The following DUOXA1 variants were observed in gnomAD, a reference collection of about 807,000 sequenced individuals.
DUOXA1 encodes the protein dual oxidase activator 1.
A neutral mutation model predicts 26.6 loss-of-function variants in DUOXA1; 19 were observed. The ratio of observed to expected loss-of-function variants is 0.71; its 90% CI spans 0.50 to 1.05. The LOEUF (loss-of-function observed/expected upper bound fraction) is 1.05, where lower values mean the gene tolerates loss of function less well. Ranked by LOEUF, DUOXA1 falls within the 50% of genes least tolerant of loss-of-function variation. The probability of loss-of-function intolerance (pLI) is 0.00; values close to 1 mark genes in which losing one functional copy is unlikely to be tolerated. For synonymous variants in DUOXA1, 166 were observed against 177.0 expected, an observed-to-expected ratio of 0.94 and a Z score of 0.49; for missense variants, 403 against 427.5, an observed-to-expected ratio of 0.94 and a Z score of 0.51.
rs770239459 is a variant in DUOXA1, at chr15:45,120,241, C to T, written c.634G>A (p.Ala212Thr). 6.8e-6 allele frequency: 11 copies of T among 1,613,960 alleles called. No individual in the cohort carries two copies. Among genetic ancestry groups the T allele is most frequent in the Admixed American group, 1.7e-5 (1 of 59,988 alleles). The stretch of plus-strand genomic sequence containing the variant: ...GCCAACAGCTGGAAGATGCCCGTGG[C>T]CAATAGCATGTAGCCACCATATACC... ...VLVYGGYMLL[A>T]TGIFQLLALL... Residue 212 changes from alanine (A) to threonine (T), a missense_variant, in exon 8 of 9, where the codon GCC (alanine) becomes ACC (threonine). Transcript: ENST00000560572.
Position 45,118,896 on chromosome 15 carries a change from A to G in DUOXA1, c.*210T>C. The G allele has an allele frequency of 7.9e-7, 1 of 1,273,712 alleles. No individual in the cohort carries two copies. The allele number at this position is 1,273,712 out of a possible 1,614,324, so 78.9% of individuals were successfully genotyped here. ...TATCATGGCAACAGGCTTTATGGAC[A>G]GGCCCAGCATCTCTTCAGTCCCTTA... On this transcript the variant is annotated 3_prime_UTR_variant, in exon 9 of 9. Transcript: ENST00000560572.
chr15:45,123,702 G>A (rs764366217), intron 3 of DUOXA1, among the ~76,000 whole-genome samples: 11 of 152,214 alleles, frequency 7.2e-5, no homozygotes, highest in Non-Finnish European at 1.6e-4. Context: ...CCCTCTATCA[G>A]GCAGTGCTGG....
intron 6 of DUOXA1, 87 bp downstream of exon 6, chr15:45,121,000 C>A: frequency 1.3e-6 from 2 of 1,581,382 alleles, no homozygotes; most frequent in Non-Finnish European, 1.7e-6. Context: ...CTGTGCCAGG[C>A]ATCCTATAGC....
intron 8 of DUOXA1, among the ~76,000 whole-genome samples, 198 bp downstream of exon 8, chr15:45,119,905 C>T (rs1895000557): frequency 6.7e-6 from 1 of 149,854 alleles, no homozygotes; most frequent in African/African-American, 2.5e-5. Flanking sequence ...AGGGAGTGGG[C>T]ATCTCTGAGG....
At chr15:45,124,045 A>T (rs1427568949) in intron 3 of DUOXA1, among the ~76,000 whole-genome samples, 1 of 94,332 alleles carries the variant, frequency 1.1e-5, no homozygotes, top group Non-Finnish European at 1.8e-5. Flanking sequence ...CAGAATGTGA[A>T]AAAAAAAAAA....
In DUOXA1 at chr15:45,120,586, C is replaced by A. The variant is rs1895091889; in HGVS notation, c.554+6G>T. ...GGCCTCCACCCCGTCTCCTTCCCATCCTCACCATAGCATGGCTGAGGTGTA... is the reference window on the plus strand; with the variant it reads ...GGCCTCCACCCCGTCTCCTTCCCATACTCACCATAGCATGGCTGAGGTGTA... On this transcript the variant is annotated splice_donor_region_variant and intron_variant, in intron 7 of 8. Transcript: ENST00000560572. 1 of 1,613,932 alleles carries A rather than the reference C, an allele frequency of 6.2e-7. No homozygotes were observed. Among genetic ancestry groups the A allele is most frequent in the Non-Finnish European group, 8.5e-7 (1 of 1,179,938 alleles).
At position 45,119,331 on chromosome 15, in the gene DUOXA1, C is replaced by A. The variant is rs750581745; in HGVS notation, c.807G>T (p.Ala269=). The A allele has an allele frequency of 8.7e-6, 14 of 1,613,448 alleles. No homozygotes were observed. Among genetic ancestry groups the A allele is most frequent in the Non-Finnish European group, 1.0e-5 (12 of 1,179,712 alleles). Residue 269 remains alanine, a synonymous_variant, in exon 9 of 9, where the codon GCG becomes GCT. Coordinates refer to ENST00000560572, the MANE Select transcript of DUOXA1 (RefSeq NM_001276266.2). Reference sequence around the variant, plus strand: ...TGTGAGGCTGCATCCTGTGGGCCACCGCCATAGCCAGGCCCAGCAGCACAC... The same window carrying A: ...TGTGAGGCTGCATCCTGTGGGCCACAGCCATAGCCAGGCCCAGCAGCACAC... ...LLCVLLGLAM[A]VAHRMQPHRL... is the part of the protein sequence containing the mutation.
chr15:45,124,187 G>A (rs568520983), intron 3 of DUOXA1, among the ~76,000 whole-genome samples: 1 of 152,232 alleles, frequency 6.6e-6, no homozygotes, highest in Admixed American at 6.5e-5. Flanking sequence ...TATAATGAAA[G>A]AATAAGCTTG....
Position 45,120,082 on chromosome 15 carries a change from G to A in DUOXA1, c.772+21C>T, listed in dbSNP as rs369510098. The A allele has an allele frequency of 2.5e-5, 40 of 1,613,216 alleles. No homozygotes were observed. In the African/African-American group the frequency reaches 4.9e-4, roughly 20 times the overall value. On this transcript the variant is annotated intron_variant, in intron 8 of 8. Transcript: ENST00000560572. ...CCTGGCCTTGAGACTTCTAGTGCTTGTCTTTAGGGCTGGGTCTTACCTGTG... is the reference window on the plus strand; with the variant it reads ...CCTGGCCTTGAGACTTCTAGTGCTTATCTTTAGGGCTGGGTCTTACCTGTG...
chr15:45,122,371 T>C, intron 4 of DUOXA1, 129 bp from the exon 5 acceptor site: 1 of 863,296 alleles, frequency 1.2e-6, no homozygotes, highest in Non-Finnish European at 1.9e-6. Context: ...AATCAGAGTG[T>C]CTGGCACATA....
At chr15:45,125,235 T>C (rs539608155) in intron 3 of DUOXA1, among the ~76,000 whole-genome samples, 1 of 152,318 alleles carries the variant, frequency 6.6e-6, no homozygotes, top group African/African-American at 2.4e-5. Context: ...TCTCTCCTAT[T>C]CTGCGAATCC....
At position 45,117,681 on chromosome 15, in the gene DUOXA1, C is replaced by T. The variant is rs1566984281; in HGVS notation, c.*1425G>A. On this transcript the variant is annotated 3_prime_UTR_variant, in exon 9 of 9. Coordinates refer to ENST00000560572, the MANE Select transcript of DUOXA1 (RefSeq NM_001276266.2). ...CCTGGGCAACATAGCCCTGACTCCACATGCCCTCCTTTCTTTCGATCCCCA... is the reference window on the plus strand; with the variant it reads ...CCTGGGCAACATAGCCCTGACTCCATATGCCCTCCTTTCTTTCGATCCCCA... The T allele has an allele frequency of 6.2e-7, 1 of 1,613,918 alleles. No homozygotes were observed. Among genetic ancestry groups the T allele is most frequent in the Non-Finnish European group, 8.5e-7 (1 of 1,179,944 alleles).
intron 3 of DUOXA1, among the ~76,000 whole-genome samples, chr15:45,127,208 CAT>C (rs1379888079): frequency 2.0e-5 from 3 of 152,108 alleles, no homozygotes; most frequent in Non-Finnish European, 4.4e-5. Flanking sequence ...AGCAAGAACA[CAT>C]GTGATACGCT....
chr15:45,126,375 T>C (rs1175512704), intron 3 of DUOXA1, among the ~76,000 whole-genome samples: 1 of 152,192 alleles, frequency 6.6e-6, no homozygotes. Context: ...AAGCCTTCAA[T>C]ACCTTTGGAT....
intron 3 of DUOXA1, among the ~76,000 whole-genome samples, chr15:45,124,438 CTTTTT>C (rs1386481535): frequency 1.3e-5 from 2 of 152,090 alleles, no homozygotes; most frequent in Non-Finnish European, 2.9e-5. Context: ...TCTTCAATCT[CTTTTT>C]TTATTTTAAG....
At chr15:45,127,833 T>C (rs893603442) in intron 3 of DUOXA1, among the ~76,000 whole-genome samples, 49 of 152,336 alleles carry the variant, frequency 3.2e-4, no homozygotes, top group African/African-American at 1.2e-3. Context: ...CTAGGATGTA[T>C]GCACAGTGTA....
rs1321707501 is a variant in DUOXA1, at chr15:45,124,684, GTT to G, written c.-29-1643_-29-1642del. 3.3e-5 allele frequency among the ~76,000 whole-genome samples: 5 copies of G among 151,818 alleles called. No individual in the cohort carries two copies. In the East Asian group the frequency reaches 5.8e-4, roughly 18 times the overall value. ...GTCATCACACCCAGCTAATTTTTAA[GTT>G]TTTTTTAGCAGAGACGGGATTTCAC... On this transcript the variant is annotated intron_variant, in intron 3 of 8. Transcript: ENST00000560572.
intron 7 of DUOXA1, 104 bp downstream of exon 7, chr15:45,120,488 C>T: frequency 6.8e-7 from 1 of 1,475,582 alleles, no homozygotes; most frequent in South Asian, 1.1e-5. Context: ...GGTGCCAGGC[C>T]ACCCCACCTG....
chr15:45,121,078 C>G lies in DUOXA1; in HGVS notation c.340+9G>C, dbSNP rs1338760124. The G allele has an allele frequency of 6.2e-7, 1 of 1,614,152 alleles. No individual in the cohort carries two copies. Among genetic ancestry groups the G allele is most frequent in the Non-Finnish European group, 8.5e-7 (1 of 1,179,996 alleles). On this transcript the variant is annotated intron_variant, in intron 6 of 8. Transcript: ENST00000560572. ...TTCCCCCCCACCACAGGTAAGAGCCCTCCCTCACCTGTGAGTGTGATGTTG... is the reference window on the plus strand; with the variant it reads ...TTCCCCCCCACCACAGGTAAGAGCCGTCCCTCACCTGTGAGTGTGATGTTG...
Sources: allele counts gnomAD v4.1 joint callset (sites outside exome capture counted in the v4.1 genomes callset), GRCh38; gene constraint gnomAD v4.1.1; transcripts MANE v1.5; gene names NCBI Gene and HGNC (gene_info 2026-07-23, HGNC 2026-07-21).